The following TTC7B variants were observed in gnomAD, a reference collection of about 807,000 sequenced individuals.
TTC7B encodes tetratricopeptide repeat protein 7B.
TTC7B carries 28 observed loss-of-function variants against 106.8 expected under a neutral mutation model. The ratio of observed to expected loss-of-function variants is 0.26; its 90% confidence interval spans 0.19 to 0.36. TTC7B has a LOEUF of 0.36. Ranked by LOEUF, TTC7B falls within the 10% of genes least tolerant of loss-of-function variation. The pLI, the probability that TTC7B is intolerant of heterozygous loss-of-function variation, is 1.00. For synonymous variants in TTC7B, 405 were observed against 430.6 expected (o/e 0.94, Z 0.74); for missense variants, 862 against 1,076.4 (o/e 0.80, Z 2.79).
chr14:90,562,561 T>C (rs1301513632), intron 19 of TTC7B, among the ~76,000 whole-genome samples: 1 of 152,232 alleles, frequency 6.6e-6, no homozygotes, highest in Non-Finnish European at 1.5e-5. Flanking sequence ...TGGACATCTC[T>C]AGACCTACCA....
At chr14:90,699,158 C>A (rs1314537464) in intron 5 of TTC7B, 1 of 455,934 alleles carries the variant, frequency 2.2e-6, no homozygotes. Context: ...CTTACCGCAC[C>A]TGGTTTCGTC....
intron 19 of TTC7B, among the ~76,000 whole-genome samples, chr14:90,551,690 G>T (rs1021878621): frequency 2.0e-5 from 3 of 152,220 alleles, no homozygotes; most frequent in Non-Finnish European, 4.4e-5. Flanking sequence ...GCCCACAGGA[G>T]ACTGGCTTTG....
At chr14:90,670,161 G>T (rs1470592208) in intron 9 of TTC7B, among the ~76,000 whole-genome samples, 4 of 152,282 alleles carry the variant, frequency 2.6e-5, no homozygotes, top group Non-Finnish European at 2.9e-5. Flanking sequence ...GTCATGAAAA[G>T]GAATGAAGTT....
intron 1 of TTC7B, among the ~76,000 whole-genome samples, chr14:90,799,362 A>G (rs1031046344): frequency 6.6e-6 from 1 of 152,200 alleles, no homozygotes; most frequent in African/African-American, 2.4e-5. Flanking sequence ...AAGGACTTAC[A>G]GCTATGAACA....
chr14:90,790,021 CAT>C (rs1164478544), intron 1 of TTC7B, among the ~76,000 whole-genome samples: 4 of 152,178 alleles, frequency 2.6e-5, no homozygotes, highest in African/African-American at 9.6e-5. Flanking sequence ...ACTCACAGCA[CAT>C]GTCAGCTCTA....
intron 5 of TTC7B, among the ~76,000 whole-genome samples, chr14:90,725,096 C>T (rs558765333): frequency 3.3e-5 from 5 of 152,270 alleles, no homozygotes; most frequent in Non-Finnish European, 5.9e-5. Context: ...TTACAGGAAA[C>T]GTGTGTGAAT....
intron 1 of TTC7B, among the ~76,000 whole-genome samples, chr14:90,790,609 G>A (rs1280094237): frequency 6.6e-6 from 1 of 151,186 alleles, no homozygotes; most frequent in Non-Finnish European, 1.5e-5. Flanking sequence ...ACCCCTCCTC[G>A]CCTCCCTGCC....
chr14:90,792,450 G>A (rs143967558), intron 1 of TTC7B, among the ~76,000 whole-genome samples: 2,360 of 152,174 alleles, frequency 0.016, 25 homozygotes, highest in African/African-American at 0.026. Flanking sequence ...GGTGGTGCAC[G>A]CCTGTAATCC....
chr14:90,660,146 G>A (rs985834342), intron 9 of TTC7B, among the ~76,000 whole-genome samples: 2 of 152,000 alleles, frequency 1.3e-5, no homozygotes, highest in African/African-American at 2.4e-5. Context: ...GCACTAGGGA[G>A]GCTGAGGCAG....
intron 13 of TTC7B, among the ~76,000 whole-genome samples, chr14:90,651,978 A>C (rs1193246321): frequency 6.6e-6 from 1 of 152,216 alleles, no homozygotes; most frequent in Non-Finnish European, 1.5e-5. Flanking sequence ...ACTCAGATAT[A>C]TTTAAAGTGA....
intron 15 of TTC7B, among the ~76,000 whole-genome samples, chr14:90,643,252 CA>C (rs1472783519): frequency 1.5e-4 from 23 of 151,824 alleles, no homozygotes; most frequent in Admixed American, 3.3e-4. Flanking sequence ...ACTAAAAATA[CA>C]AAAAATTAGC....
At position 90,616,476 on chromosome 14, in the gene TTC7B, G is replaced by A. The variant is rs1175459792; in HGVS notation, c.1868+1453C>T. On this transcript the variant is annotated intron_variant, in intron 16 of 19. Coordinates refer to ENST00000328459, the MANE Select transcript of TTC7B (RefSeq NM_001010854.2). The stretch of plus-strand genomic sequence containing the variant: ...GCGCCCAGCAGCACAGCGCCGCGCC[G>A]CTGTTCCTGTGCTTGGGAAGGGGAC... 4.0e-5 allele frequency among the ~76,000 whole-genome samples: 6 copies of A among 151,548 alleles called. No homozygotes were observed. In the South Asian group the frequency reaches 1.0e-3, roughly 26 times the overall value.
chr14:90,798,215 C>G (rs1196083450), intron 1 of TTC7B, among the ~76,000 whole-genome samples: 1 of 152,150 alleles, frequency 6.6e-6, no homozygotes, highest in Non-Finnish European at 1.5e-5. Flanking sequence ...ACTCCATAAG[C>G]GTAAGAGAGC....
chr14:90,680,597 G>T, intron 7 of TTC7B, 62 bp from the exon 8 acceptor site: 2 of 1,225,000 alleles, frequency 1.6e-6, no homozygotes, highest in African/African-American at 1.5e-5. Flanking sequence ...AATACAAGCA[G>T]AACTGAACAC....
At chr14:90,621,614 G>A (rs1190427871) in intron 15 of TTC7B, among the ~76,000 whole-genome samples, 3 of 152,232 alleles carry the variant, frequency 2.0e-5, no homozygotes, top group Non-Finnish European at 4.4e-5. Context: ...CACAGGTTCA[G>A]CTGGGACAAT....
chr14:90,580,635 T>TG (rs1891449728), intron 18 of TTC7B, among the ~76,000 whole-genome samples: 1 of 152,202 alleles, frequency 6.6e-6, no homozygotes, highest in Admixed American at 6.5e-5. Context: ...ACACAGTGGG[T>TG]GTCCCTGTCT....
At chr14:90,543,804 C>G in intron 19 of TTC7B, among the ~76,000 whole-genome samples, 1 of 152,352 alleles carries the variant, frequency 6.6e-6, no homozygotes, top group East Asian at 1.9e-4. Flanking sequence ...TCGCTTTAGG[C>G]AGTGTGAGCA....
intron 5 of TTC7B, among the ~76,000 whole-genome samples, chr14:90,715,489 C>T (rs1749716): frequency 0.45 from 68,487 of 152,032 alleles, 15,914 homozygotes; most frequent in Admixed American, 0.48. Context: ...CAAACCCTTA[C>T]ATAGTACTTG....
Position 90,776,140 on chromosome 14 carries a change from GAC to G in TTC7B, c.445+4596_445+4597del, listed in dbSNP as rs370873395. Among the ~76,000 whole-genome samples the G allele has an allele frequency of 6.8e-3, 956 of 139,992 alleles. 5 individuals carry two copies. Among genetic ancestry groups the G allele is most frequent in the East Asian group, 0.014 (64 of 4,664 alleles). The allele number at this position is 139,992 out of a possible 152,430, so 91.8% of individuals were successfully genotyped here. A position where few individuals can be genotyped will look rare whatever the true frequency, so the allele number is the denominator to read the frequency against. On this transcript the variant is annotated intron_variant, in intron 3 of 19. Coordinates refer to ENST00000328459, the MANE Select transcript of TTC7B (RefSeq NM_001010854.2). ...AGCAGGGCAGGAGAGGGCCCCCCGT[GAC>G]ACACACACACACACACACACACACA...
Sources: allele counts gnomAD v4.1 joint callset (sites outside exome capture counted in the v4.1 genomes callset), GRCh38; gene constraint gnomAD v4.1.1; transcripts MANE v1.5; gene names NCBI Gene and HGNC (gene_info 2026-07-23, HGNC 2026-07-21).